The following FGF18 variants were observed in gnomAD, a reference collection of about 807,000 sequenced individuals.
FGF18 encodes the protein fibroblast growth factor 18.
A neutral mutation model predicts 23.0 loss-of-function variants in FGF18; 5 were observed. The observed-to-expected ratio is 0.22, with a 90% confidence interval of 0.11 to 0.46. The LOEUF (loss-of-function observed/expected upper bound fraction) is 0.46, where lower values mean the gene tolerates loss of function less well. FGF18 is among the 20% of genes least tolerant of loss of function. The pLI is 0.99. For missense variants in FGF18, 180 were observed against 291.6 expected, an observed-to-expected ratio of 0.62 and a Z score of 2.79; for synonymous variants, 117 against 118.9, an observed-to-expected ratio of 0.98 and a Z score of 0.10.
At chr5:171,447,591 G>T (rs187276771) in intron 3 of FGF18, among the ~76,000 whole-genome samples, 1 of 152,132 alleles carries the variant, frequency 6.6e-6, no homozygotes, top group Admixed American at 6.5e-5. Flanking sequence ...TTCCCTCTTG[G>T]AAAGGTGGGT....
intron 4 of FGF18, among the ~76,000 whole-genome samples, chr5:171,450,693 G>A (rs963879710): frequency 8.5e-5 from 13 of 152,146 alleles, no homozygotes; most frequent in Non-Finnish European, 1.9e-4. Context: ...CCGCCGTTGC[G>A]AGGCTGGCCG....
At chr5:171,446,152 G>A (rs1772416134) in intron 3 of FGF18, among the ~76,000 whole-genome samples, 1 of 152,212 alleles carries the variant, frequency 6.6e-6, no homozygotes, top group Admixed American at 6.5e-5. Flanking sequence ...CGCATGCTGC[G>A]GTCGGGGAGA....
At chr5:171,428,206 C>T (rs1406718042) in intron 2 of FGF18, among the ~76,000 whole-genome samples, 2 of 152,176 alleles carry the variant, frequency 1.3e-5, no homozygotes. Flanking sequence ...TGGCACAGAC[C>T]TGGCATGCTG....
intron 3 of FGF18, among the ~76,000 whole-genome samples, chr5:171,441,542 C>G (rs1272745877): frequency 6.6e-6 from 1 of 152,228 alleles, no homozygotes; most frequent in Non-Finnish European, 1.5e-5. Flanking sequence ...CCCTCACCCA[C>G]CCAGGCTTCT....
At chr5:171,422,941 G>C (rs1772038160) in intron 2 of FGF18, among the ~76,000 whole-genome samples, 3 of 152,208 alleles carry the variant, frequency 2.0e-5, no homozygotes, top group Admixed American at 2.0e-4. Context: ...GTATATGATG[G>C]GGGGTGGGGT....
At chr5:171,429,850 C>T (rs937398425) in intron 2 of FGF18, among the ~76,000 whole-genome samples, 3 of 152,212 alleles carry the variant, frequency 2.0e-5, no homozygotes, top group Non-Finnish European at 4.4e-5. Flanking sequence ...AACCTCCTTA[C>T]CCCCAAACTA....
intron 2 of FGF18, among the ~76,000 whole-genome samples, chr5:171,432,681 C>T (rs960592262): frequency 6.6e-6 from 1 of 152,198 alleles, no homozygotes; most frequent in African/African-American, 2.4e-5. Context: ...CCGCCCACCT[C>T]GGCCTTCCAA....
At position 171,456,394 on chromosome 5, in the gene FGF18, T is replaced by G. The variant is rs1322958206; in HGVS notation, c.358-145T>G. ...GCCTGTGCCATATTCAGAGTTAAGCTCAATCTCTCTCCCCCACTGCAAAAC... is the reference window on the plus strand; with the variant it reads ...GCCTGTGCCATATTCAGAGTTAAGCGCAATCTCTCTCCCCCACTGCAAAAC... On this transcript the variant is annotated intron_variant, in intron 4 of 4. Transcript: ENST00000274625. The surrounding 1 kb of genome is among the most constrained non-coding windows in gnomAD (Gnocchi z 6.1). 2.6e-6 allele frequency: 2 copies of G among 756,438 alleles called. No individual in the cohort carries two copies. Among genetic ancestry groups the G allele is most frequent in the East Asian group, 5.4e-5 (2 of 36,984 alleles). 46.9% of individuals were successfully genotyped at this position (756,438 alleles called of 1,614,324 possible).
At chr5:171,449,330 G>A (rs1411034510) in intron 4 of FGF18, 77 bp downstream of exon 4, 1 of 906,672 alleles carries the variant, frequency 1.1e-6, no homozygotes, top group East Asian at 2.6e-5. Context: ...ATGTGTCCAG[G>A]GCACTGTCAG....
chr5:171,445,527 T>G (rs1377559154), intron 3 of FGF18, among the ~76,000 whole-genome samples: 1 of 146,630 alleles, frequency 6.8e-6, no homozygotes, highest in Non-Finnish European at 1.5e-5. Context: ...CCCGGCTAAT[T>G]TTTGTGGTTT....
At position 171,434,152 on chromosome 5, in the gene FGF18, C is replaced by T. The variant is rs375893425; in HGVS notation, c.70-1941C>T. On this transcript the variant is annotated intron_variant, in intron 2 of 4. Coordinates refer to ENST00000274625, the MANE Select transcript of FGF18 (RefSeq NM_003862.3). This position sits in a 1 kb window ranked among gnomAD's most constrained non-coding sequence, Gnocchi z 4.6. ...CGCAAGGCAGTGGCCTGGGGCTGCCCGCAGGGGTGGGGCACAGGAAACACA... is the reference window on the plus strand; with the variant it reads ...CGCAAGGCAGTGGCCTGGGGCTGCCTGCAGGGGTGGGGCACAGGAAACACA... 6.6e-6 allele frequency among the ~76,000 whole-genome samples: 1 copy of T among 152,160 alleles called. No homozygotes were observed. The highest frequency in any genetic ancestry group is 6.5e-5 in the Admixed American group (1 of 15,284).
chr5:171,455,490 ACGAAC>A (rs1772568030), intron 4 of FGF18, among the ~76,000 whole-genome samples: 1 of 152,204 alleles, frequency 6.6e-6, no homozygotes. Flanking sequence ...TTTAAAGGAA[ACGAAC>A]CATCATTGGC....
intron 2 of FGF18, among the ~76,000 whole-genome samples, chr5:171,424,849 G>A (rs957173783): frequency 2.6e-5 from 4 of 151,624 alleles, no homozygotes; most frequent in Admixed American, 6.6e-5. Context: ...CAGCAGAGGG[G>A]GAAGGGGGAG....
At chr5:171,445,047 T>C (rs1166091624) in intron 3 of FGF18, among the ~76,000 whole-genome samples, 1 of 152,080 alleles carries the variant, frequency 6.6e-6, no homozygotes, top group Admixed American at 6.5e-5. Context: ...GCTGCCAGCA[T>C]TAGACATCAT....
chr5:171,443,953 C>T (rs1772383119), intron 3 of FGF18, among the ~76,000 whole-genome samples: 1 of 152,028 alleles, frequency 6.6e-6, no homozygotes, highest in Non-Finnish European at 1.5e-5. Context: ...ATTTTGTATT[C>T]CTCCTCTTGT....
chr5:171,430,186 GTC>G (rs138609327), intron 2 of FGF18, among the ~76,000 whole-genome samples: 4,011 of 151,570 alleles, frequency 0.026, 133 homozygotes, highest in Admixed American at 0.099. Flanking sequence ...GTGAAATCCC[GTC>G]TCTACTAAAA....
At chr5:171,446,244 G>A (rs909444386) in intron 3 of FGF18, among the ~76,000 whole-genome samples, 4 of 152,166 alleles carry the variant, frequency 2.6e-5, no homozygotes. Flanking sequence ...GGCTTGTGGT[G>A]GGTGGAGGTG....
chr5:171,420,273 C>T (rs1332435471), intron 1 of FGF18, 42 bp downstream of exon 1: 30 of 1,602,944 alleles, frequency 1.9e-5, no homozygotes, highest in Non-Finnish European at 2.5e-5. Flanking sequence ...GCCTGGCTGT[C>T]TGTCCGTATG....
chr5:171,449,341 T>A, intron 4 of FGF18, 88 bp downstream of exon 4: 1 of 757,996 alleles, frequency 1.3e-6, no homozygotes, highest in Non-Finnish European at 2.3e-6. Flanking sequence ...GCACTGTCAG[T>A]CCCAAATGGA....
Sources: gnomAD v4.1 joint callset for allele counts (sites outside exome capture counted in the v4.1 genomes callset) on GRCh38, gnomAD v4.1.1 for gene constraint, Gnocchi (gnomAD v3.1) non-coding constraint, MANE v1.5 for transcripts, NCBI Gene and HGNC (gene_info 2026-07-23, HGNC 2026-07-21) for gene names.